The following MIPEP variants were observed in gnomAD, a reference collection of about 807,000 sequenced individuals.
MIPEP encodes the protein mitochondrial intermediate peptidase.
In MIPEP, 79 loss-of-function variants were observed where a neutral mutation model predicts 90.3. The ratio of observed to expected loss-of-function variants is 0.87; its 90% CI spans 0.73 to 1.05. The LOEUF is 1.05. MIPEP is among the 50% of genes least tolerant of loss of function. MIPEP has a pLI of 0.00. For missense variants in MIPEP, 940 were observed against 905.6 expected (o/e 1.04, Z -0.49); for synonymous variants, 334 against 315.8 (o/e 1.06, Z -0.61).
intron 7 of MIPEP, among the ~76,000 whole-genome samples, chr13:23,868,105 C>T (rs17079467): frequency 0.014 from 2,087 of 151,822 alleles, 73 homozygotes; most frequent in East Asian, 0.086. Context: ...TTAGGAGCTT[C>T]GATTATATGA....
At chr13:23,738,448 G>GTT (rs36091630) in intron 18 of MIPEP, among the ~76,000 whole-genome samples, 16 of 139,556 alleles carry the variant, frequency 1.1e-4, no homozygotes, top group Admixed American at 2.2e-4. Flanking sequence ...AAATTACTGA[G>GTT]TTTTTTTTTT....
chr13:23,743,181 T>G (rs770937833), intron 18 of MIPEP, among the ~76,000 whole-genome samples: 9 of 152,262 alleles, frequency 5.9e-5, no homozygotes, highest in Non-Finnish European at 1.3e-4. Flanking sequence ...TTCATCATAA[T>G]AGTTTAATGG....
intron 3 of MIPEP, among the ~76,000 whole-genome samples, chr13:23,880,152 C>CA (rs1871218591): frequency 6.6e-6 from 1 of 151,934 alleles, no homozygotes. Context: ...AGTTGGTTCA[C>CA]AAAAAAACAC....
chr13:23,840,145 C>T (rs1157538568), intron 11 of MIPEP, among the ~76,000 whole-genome samples: 1 of 152,142 alleles, frequency 6.6e-6, no homozygotes, highest in Non-Finnish European at 1.5e-5. Context: ...AATGCAGCTC[C>T]CAGCTTGAGT....
At chr13:23,786,501 C>T (rs910644624) in intron 16 of MIPEP, among the ~76,000 whole-genome samples, 4 of 151,516 alleles carry the variant, frequency 2.6e-5, no homozygotes, top group African/African-American at 9.7e-5. Context: ...AGATGAAAGA[C>T]AAATAACAAA....
chr13:23,871,037 G>C (rs1870780260), intron 5 of MIPEP, among the ~76,000 whole-genome samples: 1 of 152,106 alleles, frequency 6.6e-6, no homozygotes, highest in African/African-American at 2.4e-5. Context: ...TCTCAGGGGG[G>C]AATAAAGTTC....
intron 4 of MIPEP, among the ~76,000 whole-genome samples, chr13:23,875,353 A>C (rs1192776727): frequency 2.6e-5 from 4 of 152,160 alleles, no homozygotes; most frequent in Non-Finnish European, 5.9e-5. Context: ...TTATATTTGG[A>C]CAATTTTTCA....
intron 14 of MIPEP, among the ~76,000 whole-genome samples, chr13:23,810,274 G>C (rs1457947878): frequency 6.6e-6 from 1 of 152,150 alleles, no homozygotes; most frequent in Non-Finnish European, 1.5e-5. Context: ...ATACTCTCTT[G>C]ACTTTTAAGT....
chr13:23,733,184 T>G (rs556934343), intron 18 of MIPEP, among the ~76,000 whole-genome samples: 1 of 152,330 alleles, frequency 6.6e-6, no homozygotes, highest in South Asian at 2.1e-4. Context: ...GCATACAAAG[T>G]GCAGTCAGTG....
At chr13:23,754,195 G>C (rs1952468937) in intron 18 of MIPEP, among the ~76,000 whole-genome samples, 1 of 152,090 alleles carries the variant, frequency 6.6e-6, no homozygotes, top group African/African-American at 2.4e-5. Flanking sequence ...TGTTAAGGCT[G>C]TGAGCCAACA....
At chr13:23,734,129 T>C (rs558787064) in intron 18 of MIPEP, among the ~76,000 whole-genome samples, 14 of 152,360 alleles carry the variant, frequency 9.2e-5, no homozygotes, top group African/African-American at 3.4e-4. Flanking sequence ...AGAACATTTG[T>C]AGGGAAAACA....
In MIPEP at chr13:23,837,444, A is replaced by G. The variant is rs551558996; in HGVS notation, c.1543+108T>C. On this transcript the variant is annotated intron_variant, in intron 13 of 18. Transcript: ENST00000382172. ...GGCAATCTGAGATAAAGACCACAGG[A>G]CACGGTAAAATGATCACATTTTCCA... 4 of 850,138 alleles carry G rather than the reference A, an allele frequency of 4.7e-6. No individual in the cohort carries two copies. In the South Asian group the frequency reaches 6.6e-5, roughly 14 times the overall value. The allele number at this position is 850,138 out of a possible 1,614,324, so 52.7% of individuals were successfully genotyped here.
chr13:23,784,600 ACC>A (rs1952817351), intron 16 of MIPEP, among the ~76,000 whole-genome samples: 2 of 152,152 alleles, frequency 1.3e-5, no homozygotes, highest in Admixed American at 6.5e-5. Flanking sequence ...TGTCTAAAAC[ACC>A]AAAAGCAATG....
At chr13:23,779,472 G>C (rs1466051920) in intron 16 of MIPEP, among the ~76,000 whole-genome samples, 1 of 152,122 alleles carries the variant, frequency 6.6e-6, no homozygotes, top group Non-Finnish European at 1.5e-5. Flanking sequence ...GGTGTATGGG[G>C]GGGGCAGTTC....
At chr13:23,800,413 T>C (rs1384015364) in intron 16 of MIPEP, among the ~76,000 whole-genome samples, 1 of 152,180 alleles carries the variant, frequency 6.6e-6, no homozygotes, top group Non-Finnish European at 1.5e-5. Context: ...CAGTCATGAA[T>C]ATAAAAAACA....
chr13:23,869,874 T>C, intron 6 of MIPEP, 139 bp downstream of exon 6: 1 of 524,200 alleles, frequency 1.9e-6, no homozygotes, highest in Non-Finnish European at 3.2e-6. Flanking sequence ...GCATTAATAA[T>C]TCCACAAGTT....
At chr13:23,826,193 AG>A (rs1164066734) in intron 14 of MIPEP, among the ~76,000 whole-genome samples, 1 of 152,160 alleles carries the variant, frequency 6.6e-6, no homozygotes, top group Non-Finnish European at 1.5e-5. Flanking sequence ...AAATATAGAG[AG>A]CAAAAATGGA....
chr13:23,752,414 A>T (rs970357772), intron 18 of MIPEP, among the ~76,000 whole-genome samples: 4 of 152,210 alleles, frequency 2.6e-5, no homozygotes, highest in Non-Finnish European at 5.9e-5. Flanking sequence ...GCTATTCACA[A>T]GCCTCAGCAT....
rs144421096 is a variant in MIPEP at position 23,842,375 on chromosome 13, T to C, written c.1107-887A>G. The C allele has an allele frequency of 3.9e-3, 601 of 152,272 alleles. 2 individuals are homozygous for C. The highest frequency in any genetic ancestry group is 0.014 in the African/African-American group (570 of 41,558). The allele number at this position is 152,272 out of a possible 1,614,324, so 9.4% of individuals were successfully genotyped here. On this transcript the variant is annotated intron_variant, in intron 10 of 18. Coordinates refer to ENST00000382172, the MANE Select transcript of MIPEP (RefSeq NM_005932.4). ...ATATAAAAACATAGTTACTAATAAA[T>C]GAATGAGTTTAGTAAGTGAACATAA...
Sources: gnomAD v4.1 joint callset for allele counts (sites outside exome capture counted in the v4.1 genomes callset) on GRCh38, gnomAD v4.1.1 for gene constraint, MANE v1.5 for transcripts, NCBI Gene and HGNC (gene_info 2026-07-23, HGNC 2026-07-21) for gene names.